Variants in CSMD3 observed in about 807,000 individuals in gnomAD.
The protein encoded by CSMD3 is CUB and sushi domain-containing protein 3.
Under a neutral mutation model 435.2 loss-of-function variants are expected in CSMD3, and 177 were observed. That is an observed-to-expected ratio of 0.41 (90% CI 0.36 to 0.46). The LOEUF (loss-of-function observed/expected upper bound fraction) is 0.46. CSMD3 is among the 20% of genes least tolerant of loss of function. The pLI, the probability that CSMD3 is intolerant of heterozygous loss-of-function variation, is 0.34. For missense variants in CSMD3, 4,265 were observed against 4,504.6 expected (o/e 0.95, Z 1.52); for synonymous variants, 1,656 against 1,520.5 (o/e 1.09, Z -2.07).
chr8:112,662,322 A>C (rs1456285197), intron 17 of CSMD3, among the ~76,000 whole-genome samples: 2 of 151,686 alleles, frequency 1.3e-5, no homozygotes, highest in East Asian at 3.9e-4. Context: ...TACCAAAACA[A>C]AGATATAGAC....
At position 113,173,383 on chromosome 8, in the gene CSMD3, G is replaced by A. The variant is rs192536602; in HGVS notation, c.709+339C>T. Among the ~76,000 whole-genome samples, 164 of 151,992 alleles carry A rather than the reference G, an allele frequency of 1.1e-3. 2 individuals are homozygous for A. The highest frequency in any genetic ancestry group is 9.4e-3 in the Admixed American group (143 of 15,254). Reference sequence around the variant, plus strand: ...GTTGCCTAGGCTGGGGTGCAGTGGCGCGATCTCAGCTCACTGCAGCCTCCA... The same window carrying A: ...GTTGCCTAGGCTGGGGTGCAGTGGCACGATCTCAGCTCACTGCAGCCTCCA... On this transcript the variant is annotated intron_variant, in intron 4 of 70. Transcript: ENST00000297405.
chr8:112,237,824 C>T (rs578019878), intron 66 of CSMD3, among the ~76,000 whole-genome samples: 1 of 152,118 alleles, frequency 6.6e-6, no homozygotes, highest in African/African-American at 2.4e-5. Context: ...CTTCTGTGTT[C>T]CCCCTTACAG....
At chr8:112,889,362 G>A (rs2081709996) in intron 10 of CSMD3, among the ~76,000 whole-genome samples, 1 of 151,622 alleles carries the variant, frequency 6.6e-6, no homozygotes, top group East Asian at 2.0e-4. Flanking sequence ...GGAGAGATGA[G>A]CTGGCATTCT....
At position 112,246,961 on chromosome 8, in the gene CSMD3, G is replaced by GA. The variant is rs989418171; in HGVS notation, c.10222+58dup. ...TGTAAATGTATTTGAATACTTGGGAGAAAAAATGCATATAAATTCTTACCC... is the reference window on the plus strand; with the variant it reads ...TGTAAATGTATTTGAATACTTGGGAGAAAAAAATGCATATAAATTCTTACCC... On this transcript the variant is annotated intron_variant, in intron 64 of 70. Coordinates refer to ENST00000297405, the MANE Select transcript of CSMD3 (RefSeq NM_198123.2). The GA allele has an allele frequency of 6.3e-5, 77 of 1,217,728 alleles. 1 individual carries two copies. The highest frequency in any genetic ancestry group is 4.9e-4 in the African/African-American group (33 of 67,178). 75.4% of individuals were successfully genotyped at this position (1,217,728 alleles called of 1,614,324 possible). A position where few individuals can be genotyped will look rare whatever the true frequency, so the allele number is the denominator to read the frequency against.
intron 12 of CSMD3, among the ~76,000 whole-genome samples, chr8:112,805,520 A>ATATTAATAC (rs2079064211): frequency 6.6e-6 from 1 of 152,240 alleles, no homozygotes; most frequent in Non-Finnish European, 1.5e-5. Context: ...TCACCCTGTA[A>ATATTAATAC]TATTAATACT....
intron 22 of CSMD3, among the ~76,000 whole-genome samples, chr8:112,590,807 A>C (rs1360472490): frequency 2.0e-5 from 3 of 152,072 alleles, no homozygotes; most frequent in African/African-American, 7.2e-5. Flanking sequence ...AGGTAAGCAC[A>C]CTTCTTCCTA....
At chr8:112,302,217 T>TTA (rs1376368918) in intron 52 of CSMD3, among the ~76,000 whole-genome samples, 1 of 151,304 alleles carries the variant, frequency 6.6e-6, no homozygotes, top group Non-Finnish European at 1.5e-5. Context: ...TTTTTCATTT[T>TTA]TTTTTTTTTT....
At chr8:112,504,942 T>G (rs761398514) in intron 29 of CSMD3, among the ~76,000 whole-genome samples, 8 of 152,156 alleles carry the variant, frequency 5.3e-5, no homozygotes, top group Non-Finnish European at 2.9e-5. Flanking sequence ...CATTCATCAG[T>G]AGAAAAACTA....
At chr8:112,474,807 C>T (rs1040672057) in intron 31 of CSMD3, among the ~76,000 whole-genome samples, 2 of 152,188 alleles carry the variant, frequency 1.3e-5, no homozygotes, top group African/African-American at 2.4e-5. Context: ...CGTTGTATTG[C>T]GTTGAGTGAT....
intron 5 of CSMD3, among the ~76,000 whole-genome samples, chr8:113,026,376 C>T (rs1475683767): frequency 2.0e-5 from 3 of 152,180 alleles, no homozygotes; most frequent in South Asian, 4.1e-4. Flanking sequence ...ATCCAGCATA[C>T]TCTTCATTCA....
intron 1 of CSMD3, among the ~76,000 whole-genome samples, chr8:113,390,595 A>T (rs1204428427): frequency 2.0e-5 from 3 of 151,864 alleles, no homozygotes; most frequent in Admixed American, 6.6e-5. Context: ...AATTACAGAA[A>T]ATATCACTCC....
chr8:112,995,402 C>T (rs1389419245), intron 6 of CSMD3, among the ~76,000 whole-genome samples: 1 of 151,356 alleles, frequency 6.6e-6, no homozygotes, highest in East Asian at 1.9e-4. Context: ...TTAAACAGCT[C>T]GAAGCAGATG....
intron 4 of CSMD3, among the ~76,000 whole-genome samples, chr8:113,135,891 A>G (rs1217022714): frequency 6.6e-6 from 1 of 151,874 alleles, no homozygotes; most frequent in East Asian, 1.9e-4. Context: ...ATTAAAAAAT[A>G]CGTATTTTAA....
intron 38 of CSMD3, among the ~76,000 whole-genome samples, chr8:112,378,308 A>T (rs1453095419): frequency 1.3e-5 from 2 of 152,062 alleles, no homozygotes; most frequent in African/African-American, 2.4e-5. Flanking sequence ...AAGATCCAAA[A>T]ATCTCACTGC....
intron 1 of CSMD3, among the ~76,000 whole-genome samples, chr8:113,428,560 T>C (rs951437366): frequency 6.6e-6 from 1 of 151,806 alleles, no homozygotes; most frequent in Non-Finnish European, 1.5e-5. Context: ...AAGATACTTA[T>C]TAGAATTCAA....
chr8:112,683,562 A>G (rs2075949448), intron 15 of CSMD3, among the ~76,000 whole-genome samples: 1 of 152,046 alleles, frequency 6.6e-6, no homozygotes, highest in Non-Finnish European at 1.5e-5. Flanking sequence ...TGAATTTTTC[A>G]TAGATTATAG....
rs1347199720 is a variant in CSMD3, at chr8:112,517,061, AGAAGTACCGATTTTCTACCT to A, written c.4709_4728del (p.Gln1570LeufsTer35). The A allele has an allele frequency of 6.2e-7, 1 of 1,613,694 alleles. No homozygotes were observed. The highest frequency in any genetic ancestry group is 8.5e-7 in the Non-Finnish European group (1 of 1,179,842). On this transcript the variant is annotated frameshift_variant, in exon 28 of 71. Coordinates refer to ENST00000297405, the MANE Select transcript of CSMD3 (RefSeq NM_198123.2). LOFTEE classifies it high-confidence loss of function. The stretch of plus-strand genomic sequence containing the variant: ...ATACAGACTGGTGGGCTGGGCTGCC[AGAAGTACCGATTTTCTACCT>A]GAATGCAGGTTATTCTTTCCTCTCC...
intron 3 of CSMD3, among the ~76,000 whole-genome samples, chr8:113,202,712 G>T (rs1224749561): frequency 2.0e-5 from 3 of 152,096 alleles, no homozygotes; most frequent in East Asian, 1.9e-4. Context: ...TGAAATAGAT[G>T]AATTATCTTT....
chr8:112,910,451 T>A (rs887423905), intron 10 of CSMD3, among the ~76,000 whole-genome samples: 1 of 151,814 alleles, frequency 6.6e-6, no homozygotes, highest in African/African-American at 2.4e-5. Context: ...CCTTCTTCCA[T>A]TTCCCCCTAC....
Sources: allele counts gnomAD v4.1 joint callset (sites outside exome capture counted in the v4.1 genomes callset), GRCh38; gene constraint gnomAD v4.1.1; transcripts MANE v1.5; gene names NCBI Gene and HGNC (gene_info 2026-07-23, HGNC 2026-07-21).